The following VEZT variants were observed in gnomAD, a reference collection of about 807,000 sequenced individuals.
VEZT encodes the protein vezatin.
Under a neutral mutation model 79.9 loss-of-function variants are expected in VEZT, and 39 were observed. The ratio of observed to expected loss-of-function variants is 0.49; its 90% CI spans 0.38 to 0.64. The LOEUF (loss-of-function observed/expected upper bound fraction) is 0.64. Ranked by LOEUF, VEZT falls within the 30% of genes least tolerant of loss-of-function variation. The pLI, the probability that VEZT is intolerant of heterozygous loss-of-function variation, is 0.00. For synonymous variants in VEZT, 325 were observed against 327.6 expected (o/e 0.99, Z 0.09); for missense variants, 837 against 893.1 (o/e 0.94, Z 0.80).
At chr12:95,295,325 T>C (rs2073896566) in intron 10 of VEZT, among the ~76,000 whole-genome samples, 1 of 152,160 alleles carries the variant, frequency 6.6e-6, no homozygotes, top group African/African-American at 2.4e-5. Context: ...CGCGCCTGGC[T>C]AATTTTTGTA....
rs754934062 is a variant in VEZT at position 95,266,462 on chromosome 12, G to C, written c.540G>C (p.Leu180=). The C allele has an allele frequency of 6.2e-7, 1 of 1,613,780 alleles. No homozygotes were observed. The highest frequency in any genetic ancestry group is 8.5e-7 in the Non-Finnish European group (1 of 1,179,846). Residue 180 remains leucine, a synonymous_variant, in exon 5 of 12, where the codon CTG becomes CTC. Coordinates refer to ENST00000436874, the MANE Select transcript of VEZT (RefSeq NM_017599.4). ...LVWGVILFVY[L]VIRALRLWRT... The stretch of plus-strand genomic sequence containing the variant: ...GGGGAGTGATTCTATTTGTGTATCT[G>C]GTCATAAGAGCTTTGAGATTATGGA...
At chr12:95,226,595 T>C (rs1256914574) in intron 1 of VEZT, among the ~76,000 whole-genome samples, 1 of 152,158 alleles carries the variant, frequency 6.6e-6, no homozygotes, top group Non-Finnish European at 1.5e-5. Flanking sequence ...AGGTATCTTG[T>C]TTTAATTTCT....
intron 9 of VEZT, among the ~76,000 whole-genome samples, chr12:95,290,063 A>G (rs575791413): frequency 1.2e-4 from 19 of 152,320 alleles, no homozygotes; most frequent in Admixed American, 5.2e-4. Context: ...AACACCAACC[A>G]TGATATTGTC....
At chr12:95,256,691 G>A in intron 2 of VEZT, 3 of 848,012 alleles carry the variant, frequency 3.5e-6, no homozygotes, top group Non-Finnish European at 5.0e-6. Flanking sequence ...TTTCTAAAAT[G>A]GTCAAAGTAT....
chr12:95,285,598 A>G (rs1239416598), intron 8 of VEZT, among the ~76,000 whole-genome samples: 2 of 151,478 alleles, frequency 1.3e-5, no homozygotes, highest in Non-Finnish European at 2.9e-5. Context: ...CCTTCTTCTG[A>G]TTTCTCATAA....
chr12:95,294,299 C>G lies in VEZT; in HGVS notation c.1550C>G (p.Pro517Arg). Residue 517 changes from proline to arginine, a missense_variant, in exon 10 of 12, where the codon CCA becomes CGA. Physicochemically the swap from Pro to Arg is moderately radical, Grantham distance 103. Coordinates refer to ENST00000436874, the MANE Select transcript of VEZT (RefSeq NM_017599.4). ...KGKPEIACEN[P>R]HCTVVPLKQP... ...AAGCCTGAAATAGCATGTGAAAACC[C>G]ACATTGTACAGTAGTACCTTTGAAG... The G allele has an allele frequency of 6.3e-7, 1 of 1,591,712 alleles. No homozygotes were observed. Among genetic ancestry groups the G allele is most frequent in the Non-Finnish European group, 8.6e-7 (1 of 1,168,526 alleles).
Position 95,287,742 on chromosome 12 carries a change from C to A in VEZT, c.1407C>A (p.Pro469=). Residue 469 remains proline, a synonymous_variant, in exon 9 of 12, where the codon CCC becomes CCA. Transcript: ENST00000436874. ...AAGAACTAGTGTCAGAGGCTTATCCCATCCTAGAACAGAAATTAAAGTTGA... is the reference window on the plus strand; with the variant it reads ...AAGAACTAGTGTCAGAGGCTTATCCAATCCTAGAACAGAAATTAAAGTTGA... The part of the protein sequence containing the change: ...ETQELVSEAY[P]ILEQKLKLIQ... The A allele has an allele frequency of 6.2e-7, 1 of 1,602,516 alleles. No individual in the cohort carries two copies. Among genetic ancestry groups the A allele is most frequent in the Admixed American group, 1.7e-5 (1 of 58,592 alleles).
chr12:95,289,467 C>T (rs1594132415), intron 9 of VEZT, among the ~76,000 whole-genome samples: 1 of 151,002 alleles, frequency 6.6e-6, no homozygotes, highest in South Asian at 2.1e-4. Context: ...ATTCATCCCT[C>T]CTTTAGCACA....
intron 5 of VEZT, 29 bp from the exon 6 acceptor site, chr12:95,270,022 A>G (rs747511192): frequency 6.2e-7 from 1 of 1,600,828 alleles, no homozygotes; most frequent in Non-Finnish European, 8.5e-7. Flanking sequence ...CAGTTGTATC[A>G]CATTTTACTT....
intron 1 of VEZT, among the ~76,000 whole-genome samples, chr12:95,245,888 A>G (rs909559772): frequency 3.3e-5 from 5 of 152,174 alleles, no homozygotes; most frequent in Admixed American, 6.5e-5. Context: ...CTGAGGTGGG[A>G]AGATTGCTTG....
rs1449997466 is a variant in VEZT, at chr12:95,276,270, T to C, written c.996+1381T>C. On this transcript the variant is annotated intron_variant, in intron 7 of 11. Coordinates refer to ENST00000436874, the MANE Select transcript of VEZT (RefSeq NM_017599.4). ...CTTTTAATTTTTTTCTTTTTTTTTT[T>C]TTTTTTTTTTTTTGAGACAGAGTCT... is the stretch of plus-strand genomic sequence containing the variant. Among the ~76,000 whole-genome samples, 96 of 132,430 alleles carry C rather than the reference T, an allele frequency of 7.2e-4. 1 individual carries two copies. The highest frequency in any genetic ancestry group is 2.3e-3 in the African/African-American group (81 of 35,042). 86.9% of individuals were successfully genotyped at this position (132,430 alleles called of 152,430 possible). A position where few individuals can be genotyped will look rare whatever the true frequency, so the allele number is the denominator to read the frequency against.
intron 1 of VEZT, among the ~76,000 whole-genome samples, chr12:95,234,907 G>A (rs1283963062): frequency 2.0e-5 from 3 of 152,044 alleles, no homozygotes; most frequent in Admixed American, 6.5e-5. Flanking sequence ...AGCACATCTT[G>A]CACCGCCCTT....
chr12:95,256,404 T>A (rs1311170638), intron 2 of VEZT: 7 of 328,724 alleles, frequency 2.1e-5, no homozygotes, highest in Non-Finnish European at 3.3e-5. Flanking sequence ...TGAACTCCAG[T>A]GTTAGCTCCT....
intron 4 of VEZT, among the ~76,000 whole-genome samples, chr12:95,266,156 A>G (rs1203881140): frequency 1.3e-5 from 2 of 152,176 alleles, no homozygotes; most frequent in African/African-American, 4.8e-5. Context: ...CCTAAGCACT[A>G]TTGTCTAGTT....
intron 10 of VEZT, among the ~76,000 whole-genome samples, chr12:95,294,829 T>G (rs1183622088): frequency 1.3e-5 from 2 of 152,244 alleles, no homozygotes; most frequent in African/African-American, 4.8e-5. Flanking sequence ...CAGTATTTTT[T>G]TTCCGTGTAT....
intron 3 of VEZT, among the ~76,000 whole-genome samples, chr12:95,260,778 A>G (rs2064304126): frequency 6.6e-6 from 1 of 152,220 alleles, no homozygotes. Flanking sequence ...GATCAATTTC[A>G]GAGATTACTC....
chr12:95,218,120 G>A (rs1041525294), intron 1 of VEZT: 1 of 384,148 alleles, frequency 2.6e-6, no homozygotes, highest in Non-Finnish European at 4.7e-6. Context: ...ATTCCCAGAC[G>A]GTGCCCGGTT....
chr12:95,275,588 A>T (rs1314818017), intron 7 of VEZT, among the ~76,000 whole-genome samples: 1 of 152,214 alleles, frequency 6.6e-6, no homozygotes, highest in Admixed American at 6.5e-5. Flanking sequence ...AAAAAAAAAA[A>T]AAGTAAACTT....
chr12:95,300,334 C>A lies in VEZT; in HGVS notation c.2001C>A (p.Asn667Lys). 6.2e-7 allele frequency: 1 copy of A among 1,611,350 alleles called. No individual in the cohort carries two copies. Among genetic ancestry groups the A allele is most frequent in the Non-Finnish European group, 8.5e-7 (1 of 1,178,620 alleles). ...GTAGGACTGAGTATTTATGTGAAAA[C>A]TCTCTAGAAGGTAAAAATAAAGATA... ...EISRTEYLCENSLEGKNKDNS... is the reference protein window; with the variant it reads ...EISRTEYLCEKSLEGKNKDNS... The change falls in exon 12 of 12, where the codon AAC becomes AAA. Residue 667 changes from asparagine (N) to lysine (K), a missense_variant. Coordinates refer to ENST00000436874, the MANE Select transcript of VEZT (RefSeq NM_017599.4).
Sources: gnomAD v4.1 joint callset for allele counts (sites outside exome capture counted in the v4.1 genomes callset) on GRCh38, gnomAD v4.1.1 for gene constraint, MANE v1.5 for transcripts, NCBI Gene and HGNC (gene_info 2026-07-23, HGNC 2026-07-21) for gene names.